The following ACTR6 variants were observed in gnomAD, a reference collection of about 807,000 sequenced individuals.
ACTR6 encodes actin-related protein 6.
In ACTR6, 50 loss-of-function variants were observed where a neutral mutation model predicts 52.5. That is an observed-to-expected ratio of 0.95 (90% CI 0.76 to 1.20). The LOEUF (loss-of-function observed/expected upper bound fraction) is 1.20. ACTR6 is among the 50% of genes most tolerant of loss of function. The probability of loss-of-function intolerance (pLI) is 0.00; values close to 1 mark genes in which losing one functional copy is unlikely to be tolerated. For synonymous variants in ACTR6, 135 were observed against 147.2 expected (o/e 0.92, Z 0.60); for missense variants, 344 against 472.4 (o/e 0.73, Z 2.52).
In ACTR6 at chr12:100,218,241, T is replaced by G. The variant is rs1016257205; in HGVS notation, c.751-174T>G. Among the ~76,000 whole-genome samples the G allele has an allele frequency of 2.6e-5, 4 of 152,184 alleles. No individual in the cohort carries two copies. The highest frequency in any genetic ancestry group is 9.6e-5 in the African/African-American group (4 of 41,454). The stretch of plus-strand genomic sequence containing the variant: ...TATTTAGTTGTGTTTTGTGTGATTT[T>G]GGCAACAGTAAAGGCAGCCACACAT... On this transcript the variant is annotated intron_variant, in intron 8 of 10. Transcript: ENST00000188312. The surrounding 1 kb of genome is among the most constrained non-coding windows in gnomAD (Gnocchi z 4.2).
In ACTR6 at chr12:100,218,915, T is replaced by G. The variant is rs2096125893; in HGVS notation, c.922+329T>G. On this transcript the variant is annotated intron_variant, in intron 9 of 10. Coordinates refer to ENST00000188312, the MANE Select transcript of ACTR6 (RefSeq NM_022496.5). This position sits in a 1 kb window ranked among gnomAD's most constrained non-coding sequence, Gnocchi z 4.2. Reference sequence around the variant, plus strand: ...ATCTGTACAGAATATAAATTTATAATGTAACAATTTAATGGTTTTCAGCTA... The same window carrying G: ...ATCTGTACAGAATATAAATTTATAAGGTAACAATTTAATGGTTTTCAGCTA... Among the ~76,000 whole-genome samples the G allele has an allele frequency of 6.6e-6, 1 of 152,076 alleles. No homozygotes were observed. The highest frequency in any genetic ancestry group is 1.5e-5 in the Non-Finnish European group (1 of 67,998).
At chr12:100,209,991 T>C in intron 4 of ACTR6, 82 bp from the exon 5 acceptor site, 1 of 1,252,154 alleles carries the variant, frequency 8.0e-7, no homozygotes, top group African/African-American at 1.5e-5. Flanking sequence ...TTTGTCTTGG[T>C]GCTTGTCTTT....
Position 100,223,789 on chromosome 12 carries a change from T to C in ACTR6, c.1065T>C (p.Pro355=). 1 of 1,606,238 alleles carries C rather than the reference T, an allele frequency of 6.2e-7. No homozygotes were observed. Residue 355 remains proline (P), a synonymous_variant, in exon 11 of 11, where the codon CCT becomes CCC. Coordinates refer to ENST00000188312, the MANE Select transcript of ACTR6 (RefSeq NM_022496.5). ...TCATTTATACCTTTATTTTCAGCCC[T>C]ATTACTTATGCCTGGGAAGGTGGAA... ...YDVSVVLPEN[P]ITYAWEGGKL...
chr12:100,221,377 T>C (rs903232581), intron 10 of ACTR6, among the ~76,000 whole-genome samples: 9 of 152,190 alleles, frequency 5.9e-5, no homozygotes, highest in African/African-American at 2.2e-4. Context: ...AGCTATGAGA[T>C]AAATGAATAA....
At chr12:100,203,395 C>T (rs574756376) in intron 1 of ACTR6, among the ~76,000 whole-genome samples, 1 of 152,182 alleles carries the variant, frequency 6.6e-6, no homozygotes, top group African/African-American at 2.4e-5. Flanking sequence ...CCTCCGCCTC[C>T]TGGGTTCAAG....
At chr12:100,223,679 CAA>C in intron 10 of ACTR6, 105 bp from the exon 11 acceptor site, 1 of 1,388,006 alleles carries the variant, frequency 7.2e-7, no homozygotes, top group Non-Finnish European at 9.8e-7. Context: ...ATTTTAATGG[CAA>C]AAAAAACACA....
intron 1 of ACTR6, among the ~76,000 whole-genome samples, chr12:100,203,024 C>T (rs975279982): frequency 2.0e-5 from 3 of 152,070 alleles, no homozygotes; most frequent in Non-Finnish European, 4.4e-5. Context: ...ATTAGATTCT[C>T]ACAAAAAAAG....
chr12:100,218,710 T>C lies in ACTR6; in HGVS notation c.922+124T>C. On this transcript the variant is annotated intron_variant, in intron 9 of 10. Coordinates refer to ENST00000188312, the MANE Select transcript of ACTR6 (RefSeq NM_022496.5). The surrounding 1 kb of genome is among the most constrained non-coding windows in gnomAD (Gnocchi z 4.2). The stretch of plus-strand genomic sequence containing the variant: ...GTGAGTCTGTTTTATTTGCAGAGAT[T>C]TGTAGATCCCATAATGCATTTATAT... The C allele has an allele frequency of 1.9e-6, 1 of 531,472 alleles. No homozygotes were observed. Among genetic ancestry groups the C allele is most frequent in the Admixed American group, 4.2e-5 (1 of 23,958 alleles). The allele number at this position is 531,472 out of a possible 1,614,324, so 32.9% of individuals were successfully genotyped here.
At chr12:100,207,227 TTTATTA>T (rs918157419) in intron 3 of ACTR6, among the ~76,000 whole-genome samples, 3 of 151,898 alleles carry the variant, frequency 2.0e-5, no homozygotes, top group Non-Finnish European at 4.4e-5. Context: ...TTAATTTTTA[TTTATTA>T]TTATTATTAT....
chr12:100,209,251 A>T (rs2096117748), intron 4 of ACTR6, among the ~76,000 whole-genome samples: 1 of 151,938 alleles, frequency 6.6e-6, no homozygotes, highest in African/African-American at 2.4e-5. Context: ...GCACAATCTC[A>T]ACCAGGTGTA....
chr12:100,212,809 G>T (rs918516089), intron 8 of ACTR6, among the ~76,000 whole-genome samples: 18 of 151,788 alleles, frequency 1.2e-4, no homozygotes, highest in African/African-American at 4.1e-4. Flanking sequence ...TTCAAAACCA[G>T]CCTGGCCAAC....
At chr12:100,214,850 T>C (rs977776557) in intron 8 of ACTR6, among the ~76,000 whole-genome samples, 1 of 152,238 alleles carries the variant, frequency 6.6e-6, no homozygotes, top group East Asian at 1.9e-4. Context: ...TGCCTGGGCA[T>C]GTATCAGGTA....
chr12:100,223,951 TTAA>T lies in ACTR6; in HGVS notation c.*38_*40del. 6.3e-7 allele frequency: 1 copy of T among 1,581,174 alleles called. No homozygotes were observed. Among genetic ancestry groups the T allele is most frequent in the Non-Finnish European group, 8.5e-7 (1 of 1,170,456 alleles). Reference sequence around the variant, plus strand: ...TGAATGAAAGTTGTGACCATAAGGTTTAATTTCAAAGTTCCTTTTAAAAGAGGT... The same window carrying T: ...TGAATGAAAGTTGTGACCATAAGGTTTTTCAAAGTTCCTTTTAAAAGAGGT... On this transcript the variant is annotated 3_prime_UTR_variant, in exon 11 of 11. Coordinates refer to ENST00000188312, the MANE Select transcript of ACTR6 (RefSeq NM_022496.5).
At chr12:100,205,994 A>C (rs1300744991) in intron 3 of ACTR6, among the ~76,000 whole-genome samples, 1 of 152,196 alleles carries the variant, frequency 6.6e-6, no homozygotes, top group Non-Finnish European at 1.5e-5. Context: ...TAATTTTCAC[A>C]AACGTTTTTG....
chr12:100,220,085 T>C lies in ACTR6; in HGVS notation c.1000T>C (p.Tyr334His). 2 of 1,614,072 alleles carry C rather than the reference T, an allele frequency of 1.2e-6. No individual in the cohort carries two copies. The highest frequency in any genetic ancestry group is 1.7e-6 in the Non-Finnish European group (2 of 1,179,964). ...SLFPGFRDRVYSEVRCLTPTD... is the reference protein window; with the variant it reads ...SLFPGFRDRVHSEVRCLTPTD... Reference sequence around the variant, plus strand: ...TTTCCCAGGATTTAGGGATCGGGTTTACTCAGAAGTTCGATGTCTTACTCC... The same window carrying C: ...TTTCCCAGGATTTAGGGATCGGGTTCACTCAGAAGTTCGATGTCTTACTCC... The change falls in exon 10 of 11, where the codon TAC (tyrosine) becomes CAC (histidine). Residue 334 changes from tyrosine (Y) to histidine (H), a missense_variant. Coordinates refer to ENST00000188312, the MANE Select transcript of ACTR6 (RefSeq NM_022496.5).
Position 100,223,810 on chromosome 12 carries a change from T to C in ACTR6, c.1086T>C (p.Gly362=), listed in dbSNP as rs1283827016. Residue 362 remains glycine (G), a synonymous_variant, in exon 11 of 11, where the codon GGT becomes GGC. Transcript: ENST00000188312. ...PENPITYAWE[G]GKLISENDDF... ...GCCCTATTACTTATGCCTGGGAAGG[T>C]GGAAAATTGATATCAGAGAATGATG... 6.2e-7 allele frequency: 1 copy of C among 1,609,442 alleles called. No individual in the cohort carries two copies. The highest frequency in any genetic ancestry group is 1.3e-5 in the African/African-American group (1 of 74,796).
chr12:100,212,107 C>A, intron 6 of ACTR6, 149 bp from the exon 7 acceptor site: 1 of 579,076 alleles, frequency 1.7e-6, no homozygotes, highest in Non-Finnish European at 3.0e-6. Context: ...GACAGTATTC[C>A]ATAAAGTTAA....
At chr12:100,213,226 G>A (rs1198258832) in intron 8 of ACTR6, among the ~76,000 whole-genome samples, 1 of 152,074 alleles carries the variant, frequency 6.6e-6, no homozygotes, top group African/African-American at 2.4e-5. Flanking sequence ...CAGAGTTGCT[G>A]TGATTGCAGG....
At chr12:100,221,700 T>A (rs2096128455) in intron 10 of ACTR6, 3 of 151,880 alleles carry the variant, frequency 2.0e-5, no homozygotes, top group Non-Finnish European at 4.4e-5. Flanking sequence ...GTGGCCAAGG[T>A]AGGGAGATGG....
Sources: gnomAD v4.1 joint callset for allele counts (sites outside exome capture counted in the v4.1 genomes callset) on GRCh38, gnomAD v4.1.1 for gene constraint, Gnocchi (gnomAD v3.1) non-coding constraint, MANE v1.5 for transcripts, NCBI Gene and HGNC (gene_info 2026-07-23, HGNC 2026-07-21) for gene names.